The following FSTL5 variants were observed in gnomAD, a reference collection of about 807,000 sequenced individuals.
The protein encoded by FSTL5 is follistatin-related protein 5.
In FSTL5, 62 loss-of-function variants were observed where a neutral mutation model predicts 89.1. The observed-to-expected ratio is 0.70, with a 90% CI of 0.57 to 0.86. The LOEUF (loss-of-function observed/expected upper bound fraction) is 0.86. Among genes scored for constraint, FSTL5 ranks in the 40% least tolerant of loss-of-function variants. FSTL5 has a pLI of 0.00. For synonymous variants in FSTL5, 383 were observed against 346.2 expected, an observed-to-expected ratio of 1.11 and a Z score of -1.18; for missense variants, 1,057 against 1,001.6, an observed-to-expected ratio of 1.06 and a Z score of -0.75.
intron 7 of FSTL5, among the ~76,000 whole-genome samples, chr4:161,625,227 A>T (rs1052305495): frequency 6.6e-6 from 1 of 152,096 alleles, no homozygotes; most frequent in Non-Finnish European, 1.5e-5. Flanking sequence ...TTGCTTTATT[A>T]TGCTTTACAG....
Position 161,681,651 on chromosome 4 carries a change from A to T in FSTL5, c.728-25157T>A, listed in dbSNP as rs143442538. On this transcript the variant is annotated intron_variant, in intron 6 of 15. Coordinates refer to ENST00000306100, the MANE Select transcript of FSTL5 (RefSeq NM_020116.5). ...GTAAGGAATATATATAGTTTATTTA[A>T]ATATTTATCTTTAAGAGTAATAAAT... is the stretch of plus-strand genomic sequence containing the variant. Among the ~76,000 whole-genome samples, 905 of 152,208 alleles carry T rather than the reference A, an allele frequency of 5.9e-3. 11 individuals are homozygous for T. Among genetic ancestry groups the T allele is most frequent in the South Asian group, 0.047 (226 of 4,832 alleles).
intron 3 of FSTL5, among the ~76,000 whole-genome samples, chr4:161,987,847 TCTTA>T (rs1275420831): frequency 2.0e-5 from 3 of 151,758 alleles, no homozygotes; most frequent in African/African-American, 4.8e-5. Flanking sequence ...AGATCTGCCA[TCTTA>T]CTTGACTTCA....
intron 2 of FSTL5, among the ~76,000 whole-genome samples, chr4:162,060,159 C>G (rs1436664013): frequency 6.6e-6 from 1 of 152,086 alleles, no homozygotes; most frequent in East Asian, 1.9e-4. Context: ...TCCCTATTTT[C>G]AGTTCTGCCA....
intron 4 of FSTL5, among the ~76,000 whole-genome samples, chr4:161,857,976 C>T (rs1294457013): frequency 6.6e-6 from 1 of 152,096 alleles, no homozygotes; most frequent in Non-Finnish European, 1.5e-5. Context: ...TTTAAGTTCC[C>T]TACTGTTAAA....
At chr4:161,768,837 T>A (rs1274372523) in intron 5 of FSTL5, among the ~76,000 whole-genome samples, 2 of 150,526 alleles carry the variant, frequency 1.3e-5, no homozygotes, top group Non-Finnish European at 3.0e-5. Context: ...TAAAAAAAAA[T>A]AAAAATTAGA....
chr4:161,617,501 T>C (rs1231746324), intron 7 of FSTL5, among the ~76,000 whole-genome samples: 1 of 152,034 alleles, frequency 6.6e-6, no homozygotes, highest in Non-Finnish European at 1.5e-5. Flanking sequence ...AGACATCAAC[T>C]TACAGACCTA....
At chr4:161,664,930 C>T (rs533917631) in intron 6 of FSTL5, 9 of 187,362 alleles carry the variant, frequency 4.8e-5, no homozygotes, top group Non-Finnish European at 9.4e-5. Context: ...CAGACAAACC[C>T]GTCAGATCTC....
chr4:161,500,161 T>A lies in FSTL5; in HGVS notation c.1340-27A>T, dbSNP rs1730247912. ...TTAGGAATAAAAACACATTTAAATG[T>A]TCAAAATATAATTATCATAAACCTT... On this transcript the variant is annotated intron_variant, in intron 11 of 15. Coordinates refer to ENST00000306100, the MANE Select transcript of FSTL5 (RefSeq NM_020116.5). 2.9e-6 allele frequency: 4 copies of A among 1,387,416 alleles called. No individual in the cohort carries two copies. The Admixed American group carries it at 5.8e-5, about 20-fold the overall frequency. The allele number at this position is 1,387,416 out of a possible 1,614,324, so 85.9% of individuals were successfully genotyped here. A position where few individuals can be genotyped will look rare whatever the true frequency, so the allele number is the denominator to read the frequency against.
At chr4:161,601,329 G>GA (rs35261391) in intron 7 of FSTL5, among the ~76,000 whole-genome samples, 33,273 of 107,438 alleles carry the variant, frequency 0.31, 5,573 homozygotes, top group East Asian at 0.55. Context: ...TAAATAGTTG[G>GA]AAAAAAAAAA....
intron 4 of FSTL5, among the ~76,000 whole-genome samples, chr4:161,917,879 G>C (rs992358879): frequency 6.6e-6 from 1 of 152,060 alleles, no homozygotes; most frequent in Non-Finnish European, 1.5e-5. Context: ...TTGTGACCTG[G>C]ATTTGGCCAA....
intron 4 of FSTL5, among the ~76,000 whole-genome samples, chr4:161,872,395 C>T (rs904036704): frequency 2.6e-5 from 4 of 152,084 alleles, no homozygotes; most frequent in African/African-American, 9.7e-5. Context: ...AAGTGTCTTT[C>T]ACACCCTAAT....
intron 2 of FSTL5, among the ~76,000 whole-genome samples, chr4:162,065,074 C>T (rs1325970081): frequency 1.3e-5 from 2 of 151,816 alleles, no homozygotes; most frequent in Non-Finnish European, 2.9e-5. Flanking sequence ...AAATTAGGCC[C>T]ATGTCTTACA....
intron 4 of FSTL5, among the ~76,000 whole-genome samples, chr4:161,833,648 T>C (rs1402491093): frequency 6.6e-6 from 1 of 152,096 alleles, no homozygotes; most frequent in Non-Finnish European, 1.5e-5. Flanking sequence ...GCCTTCTTTG[T>C]CTCTTTTGAT....
At chr4:162,008,717 G>T (rs188407251) in intron 3 of FSTL5, among the ~76,000 whole-genome samples, 23 of 152,006 alleles carry the variant, frequency 1.5e-4, no homozygotes, top group African/African-American at 5.5e-4. Context: ...ATAAAAAACT[G>T]CTGGGCTCTG....
chr4:161,946,546 A>G (rs1578882808), intron 3 of FSTL5, among the ~76,000 whole-genome samples: 1 of 152,262 alleles, frequency 6.6e-6, no homozygotes, highest in South Asian at 2.1e-4. Flanking sequence ...CTTTCATTCA[A>G]CATCATGTGA....
chr4:161,863,941 C>T (rs1392498126), intron 4 of FSTL5, among the ~76,000 whole-genome samples: 1 of 152,092 alleles, frequency 6.6e-6, no homozygotes, highest in African/African-American at 2.4e-5. Flanking sequence ...AAAAATGGTG[C>T]TTGTTTGTTC....
intron 15 of FSTL5, among the ~76,000 whole-genome samples, chr4:161,431,306 A>G (rs954281051): frequency 3.3e-5 from 5 of 152,172 alleles, no homozygotes; most frequent in Admixed American, 3.3e-4. Flanking sequence ...TTAAAAAAGG[A>G]AAGCAAAGTT....
chr4:161,415,215 C>T (rs1305790911), intron 15 of FSTL5, among the ~76,000 whole-genome samples: 1 of 151,996 alleles, frequency 6.6e-6, no homozygotes, highest in Non-Finnish European at 1.5e-5. Flanking sequence ...CAATGCTGCC[C>T]ACCCCCAGCT....
Position 161,564,063 on chromosome 4 carries a change from T to C in FSTL5, c.1016-21370A>G, listed in dbSNP as rs769806622. Among the ~76,000 whole-genome samples, 67 of 151,882 alleles carry C rather than the reference T, an allele frequency of 4.4e-4. 1 individual carries two copies. Among genetic ancestry groups the C allele is most frequent in the Non-Finnish European group, 4.6e-4 (31 of 67,892 alleles). On this transcript the variant is annotated intron_variant, in intron 8 of 15. Coordinates refer to ENST00000306100, the MANE Select transcript of FSTL5 (RefSeq NM_020116.5). ...ACATTGAAATTTATTGTCTAGACAT[T>C]TTATAAACATTTGATATTAATTTTC... is the stretch of plus-strand genomic sequence containing the variant.
Sources: gnomAD v4.1 joint callset for allele counts (sites outside exome capture counted in the v4.1 genomes callset) on GRCh38, gnomAD v4.1.1 for gene constraint, MANE v1.5 for transcripts, NCBI Gene and HGNC (gene_info 2026-07-23, HGNC 2026-07-21) for gene names.